UHRF2: variants seen among roughly 807,000 people sequenced by gnomAD.
The protein encoded by UHRF2 is E3 ubiquitin-protein ligase UHRF2.
Under a neutral mutation model 96.8 loss-of-function variants are expected in UHRF2, and 23 were observed. That is an observed-to-expected ratio of 0.24 (90% CI 0.17 to 0.34). The LOEUF is 0.34. UHRF2 is among the 10% of genes least tolerant of loss of function. The pLI, the probability that UHRF2 is intolerant of heterozygous loss-of-function variation, is 1.00. For synonymous variants in UHRF2, 385 were observed against 332.6 expected, an observed-to-expected ratio of 1.16 and a Z score of -1.72; for missense variants, 685 against 981.5, an observed-to-expected ratio of 0.70 and a Z score of 4.04.
At chr9:6,463,422 C>T (rs1822671594) in intron 4 of UHRF2, among the ~76,000 whole-genome samples, 2 of 151,038 alleles carry the variant, frequency 1.3e-5, no homozygotes, top group African/African-American at 2.4e-5. Flanking sequence ...TTACTAGAAA[C>T]GTTAGGAACA....
At position 6,482,075 on chromosome 9, in the gene UHRF2, A is replaced by G; in HGVS notation, c.1368A>G (p.Gly456=). The G allele has an allele frequency of 6.2e-7, 1 of 1,614,040 alleles. No homozygotes were observed. Residue 456 remains glycine, a synonymous_variant, in exon 8 of 16, where the codon GGA becomes GGG. Coordinates refer to ENST00000276893, the MANE Select transcript of UHRF2 (RefSeq NM_152896.3). The stretch of plus-strand genomic sequence containing the variant: ...GACCCATTCCTGGTATTCCTGTTGG[A>G]TCAACTTGGAGATTTAGAGTTCAGG... ...HYGPIPGIPV[G]STWRFRVQVS... is the part of the protein sequence containing the mutation.
intron 4 of UHRF2, among the ~76,000 whole-genome samples, chr9:6,474,701 T>C (rs1158368618): frequency 6.6e-6 from 1 of 152,114 alleles, no homozygotes; most frequent in African/African-American, 2.4e-5. Context: ...CGAGACTCCA[T>C]CTCAATAAAT....
Position 6,487,356 on chromosome 9 carries a change from T to C in UHRF2, c.1497+431T>C, listed in dbSNP as rs147474415. Among the ~76,000 whole-genome samples, 427 of 151,984 alleles carry C rather than the reference T, an allele frequency of 2.8e-3. 6 individuals carry two copies. Among genetic ancestry groups the C allele is most frequent in the African/African-American group, 0.01 (416 of 41,438 alleles). ...GGCGCCTGCCATCACACCTGGCTAATTTTTGTATTTTTATGTATTTATTTT... is the reference window on the plus strand; with the variant it reads ...GGCGCCTGCCATCACACCTGGCTAACTTTTGTATTTTTATGTATTTATTTT... On this transcript the variant is annotated intron_variant, in intron 9 of 15. Transcript: ENST00000276893.
At chr9:6,416,120 G>A (rs1051288197) in intron 1 of UHRF2, among the ~76,000 whole-genome samples, 4 of 152,114 alleles carry the variant, frequency 2.6e-5, no homozygotes, top group Admixed American at 1.3e-4. Context: ...CCAGGCTGGA[G>A]TGGCGCGATC....
At chr9:6,424,324 T>C (rs895788459) in intron 2 of UHRF2, among the ~76,000 whole-genome samples, 2 of 152,196 alleles carry the variant, frequency 1.3e-5, no homozygotes, top group African/African-American at 4.8e-5. Context: ...AGGTAGAATC[T>C]GGGAATAAGT....
intron 9 of UHRF2, 132 bp from the exon 10 acceptor site, chr9:6,493,694 T>C: frequency 1.4e-6 from 1 of 709,338 alleles, no homozygotes; most frequent in Non-Finnish European, 2.3e-6. Flanking sequence ...AAATTTTGCA[T>C]TATTTTGGGA....
intron 1 of UHRF2, chr9:6,415,093 A>C (rs1308495314): frequency 2.0e-5 from 3 of 152,236 alleles, no homozygotes; most frequent in African/African-American, 4.8e-5. Context: ...ATGAATTCCT[A>C]GGACACTGGT....
At chr9:6,432,199 CT>C (rs1283795923) in intron 2 of UHRF2, among the ~76,000 whole-genome samples, 6 of 152,134 alleles carry the variant, frequency 3.9e-5, no homozygotes, top group African/African-American at 1.4e-4. Context: ...TTTTCCTAAA[CT>C]GTTCATTCTT....
chr9:6,504,185 C>A (rs1816460113), intron 14 of UHRF2, among the ~76,000 whole-genome samples: 1 of 151,838 alleles, frequency 6.6e-6, no homozygotes, highest in African/African-American at 2.4e-5. Context: ...GCCGCCACGC[C>A]CAGATAATTT....
chr9:6,428,386 A>G (rs1401710429), intron 2 of UHRF2, among the ~76,000 whole-genome samples: 3 of 152,076 alleles, frequency 2.0e-5, no homozygotes, highest in Non-Finnish European at 4.4e-5. Flanking sequence ...CCAGACTTCT[A>G]TGGTAATCAT....
chr9:6,468,564 G>C, intron 4 of UHRF2: 2 of 456,040 alleles, frequency 4.4e-6, no homozygotes, highest in Non-Finnish European at 8.8e-6. Context: ...GTAAAATCTA[G>C]TTCAGAGCAG....
intron 11 of UHRF2, among the ~76,000 whole-genome samples, chr9:6,497,792 C>T (rs1007492292): frequency 2.6e-5 from 4 of 152,136 alleles, no homozygotes; most frequent in African/African-American, 7.2e-5. Flanking sequence ...TTAGCATAAT[C>T]TTGTTACTCT....
At position 6,413,310 on chromosome 9, in the gene UHRF2, G is replaced by T; in HGVS notation, c.-181G>T. The T allele has an allele frequency of 2.5e-6, 1 of 396,946 alleles. No individual in the cohort carries two copies. Among genetic ancestry groups the T allele is most frequent in the Non-Finnish European group, 3.7e-6 (1 of 266,674 alleles). 24.6% of individuals were successfully genotyped at this position (396,946 alleles called of 1,614,324 possible). A position where few individuals can be genotyped will look rare whatever the true frequency, so the allele number is the denominator to read the frequency against. ...CGTCTCTCCTCAAGTCGGCTAGTCGGGCGCGCGCGCTGAGAGTCGTCGCCG... is the reference window on the plus strand; with the variant it reads ...CGTCTCTCCTCAAGTCGGCTAGTCGTGCGCGCGCGCTGAGAGTCGTCGCCG... On this transcript the variant is annotated 5_prime_UTR_variant, in exon 1 of 16. Coordinates refer to ENST00000276893, the MANE Select transcript of UHRF2 (RefSeq NM_152896.3).
At chr9:6,488,319 G>A (rs1423411450) in intron 9 of UHRF2, among the ~76,000 whole-genome samples, 2 of 124,376 alleles carry the variant, frequency 1.6e-5, no homozygotes, top group Admixed American at 1.0e-4. Context: ...GCGGGAAGGG[G>A]ATCCTGTGCC....
At chr9:6,421,531 C>T (rs985871830) in intron 2 of UHRF2, among the ~76,000 whole-genome samples, 19 of 152,136 alleles carry the variant, frequency 1.2e-4, no homozygotes, top group African/African-American at 4.1e-4. Flanking sequence ...AATCTCCTGC[C>T]TTAGTCTCCT....
chr9:6,447,549 G>C (rs1357421274), intron 3 of UHRF2, among the ~76,000 whole-genome samples: 1 of 152,198 alleles, frequency 6.6e-6, no homozygotes, highest in African/African-American at 2.4e-5. Context: ...GATTAATACA[G>C]CTGGAGTGTA....
At chr9:6,499,358 T>C (rs1299283051) in intron 12 of UHRF2, 1 of 152,172 alleles carries the variant, frequency 6.6e-6, no homozygotes, top group African/African-American at 2.4e-5. Context: ...TTAGTTGCTT[T>C]AGGTCTTGTA....
intron 4 of UHRF2, among the ~76,000 whole-genome samples, chr9:6,469,889 T>G (rs1021661529): frequency 6.6e-6 from 1 of 151,880 alleles, no homozygotes; most frequent in African/African-American, 2.4e-5. Context: ...CAAAACTGAT[T>G]AAAGATACAA....
At chr9:6,418,633 T>G (rs1038654104) in intron 1 of UHRF2, among the ~76,000 whole-genome samples, 5 of 152,182 alleles carry the variant, frequency 3.3e-5, no homozygotes. Context: ...GTAATACATA[T>G]GAAGAGTAGA....
Sources: allele counts gnomAD v4.1 joint callset (sites outside exome capture counted in the v4.1 genomes callset), GRCh38; gene constraint gnomAD v4.1.1; transcripts MANE v1.5; gene names NCBI Gene and HGNC (gene_info 2026-07-23, HGNC 2026-07-21).